OXCT1: variants seen among roughly 807,000 people sequenced by gnomAD.
OXCT1 encodes succinyl-CoA:3-ketoacid coenzyme A transferase 1, mitochondrial.
OXCT1 carries 27 observed loss-of-function variants against 69.6 expected under a neutral mutation model. That is an observed-to-expected ratio of 0.39 (90% CI 0.29 to 0.54). OXCT1 has a LOEUF of 0.54. OXCT1 is among the 20% of genes least tolerant of loss of function. OXCT1 has a pLI of 0.72. For missense variants in OXCT1, 437 were observed against 650.2 expected, an observed-to-expected ratio of 0.67 and a Z score of 3.57; for synonymous variants, 202 against 217.8, an observed-to-expected ratio of 0.93 and a Z score of 0.64.
chr5:41,845,583 A>G (rs1748857931), intron 5 of OXCT1, among the ~76,000 whole-genome samples: 1 of 152,142 alleles, frequency 6.6e-6, no homozygotes, highest in Non-Finnish European at 1.5e-5. Context: ...AAAAAGTACT[A>G]AGAATTAAGA....
At chr5:41,814,130 GAA>G (rs143536269) in intron 7 of OXCT1, among the ~76,000 whole-genome samples, 1 of 147,226 alleles carries the variant, frequency 6.8e-6, no homozygotes, top group African/African-American at 2.5e-5. Flanking sequence ...TCATCTTTGG[GAA>G]AAAAAAAACA....
At chr5:41,768,676 C>T (rs1217758906) in intron 13 of OXCT1, among the ~76,000 whole-genome samples, 1 of 152,168 alleles carries the variant, frequency 6.6e-6, no homozygotes, top group East Asian at 1.9e-4. Flanking sequence ...TTGACCTTTT[C>T]TCATCCTAGC....
chr5:41,734,180 C>T (rs1352423671), intron 16 of OXCT1, among the ~76,000 whole-genome samples: 1 of 152,126 alleles, frequency 6.6e-6, no homozygotes, highest in Non-Finnish European at 1.5e-5. Context: ...GGAGCAAGAA[C>T]CATAAATTGG....
At chr5:41,840,815 T>C (rs559150188) in intron 6 of OXCT1, among the ~76,000 whole-genome samples, 11 of 152,236 alleles carry the variant, frequency 7.2e-5, no homozygotes, top group Non-Finnish European at 1.5e-4. Flanking sequence ...TCTATCTTAT[T>C]TGAAGTTAAT....
chr5:41,863,816 C>T (rs939439073), intron 1 of OXCT1, among the ~76,000 whole-genome samples: 2 of 152,152 alleles, frequency 1.3e-5, no homozygotes, highest in Non-Finnish European at 2.9e-5. Context: ...TATTCCAACA[C>T]AGTTAAGTAT....
intron 3 of OXCT1, among the ~76,000 whole-genome samples, chr5:41,860,898 A>C (rs1749698145): frequency 6.6e-6 from 1 of 152,116 alleles, no homozygotes; most frequent in Non-Finnish European, 1.5e-5. Flanking sequence ...CATTGCTAAA[A>C]GAAAGGGCTT....
At position 41,870,415 on chromosome 5, in the gene OXCT1, T is replaced by C. The variant is rs1750245214; in HGVS notation, c.-57A>G. ...GTTGGAGCGCGCGTTTGAGCGTCGG[T>C]GCGCGACTGCGAAGGAAACCCGGGC... On this transcript the variant is annotated 5_prime_UTR_variant, in exon 1 of 17. Coordinates refer to ENST00000196371, the MANE Select transcript of OXCT1 (RefSeq NM_000436.4). This position sits in a 1 kb window ranked among gnomAD's most constrained non-coding sequence, Gnocchi z 4.2. 2 of 1,340,790 alleles carry C rather than the reference T, an allele frequency of 1.5e-6. No individual in the cohort carries two copies. The highest frequency in any genetic ancestry group is 2.1e-6 in the Non-Finnish European group (2 of 943,488). The allele number at this position is 1,340,790 out of a possible 1,614,324, so 83.1% of individuals were successfully genotyped here.
intron 13 of OXCT1, among the ~76,000 whole-genome samples, chr5:41,793,039 T>C (rs1174083514): frequency 6.6e-6 from 1 of 152,188 alleles, no homozygotes; most frequent in Admixed American, 6.5e-5. Flanking sequence ...TCAGGTGGCA[T>C]TAGATCAAAT....
intron 7 of OXCT1, among the ~76,000 whole-genome samples, chr5:41,814,438 C>T (rs1009805773): frequency 2.6e-5 from 4 of 151,908 alleles, no homozygotes; most frequent in Non-Finnish European, 4.4e-5. Context: ...ATGTTTATTG[C>T]GGCTCTATTC....
In OXCT1 at chr5:41,730,731, C is replaced by T. The variant is rs1406369597; in HGVS notation, c.*998G>A. Reference sequence around the variant, plus strand: ...CTGACTCTTCAAATCCTAGACTTGTCCAACATTATTTTCCCTAGTTGGATA... The same window carrying T: ...CTGACTCTTCAAATCCTAGACTTGTTCAACATTATTTTCCCTAGTTGGATA... On this transcript the variant is annotated 3_prime_UTR_variant, in exon 17 of 17. Transcript: ENST00000196371. The T allele has an allele frequency of 6.6e-6, 1 of 152,146 alleles. No individual in the cohort carries two copies. The highest frequency in any genetic ancestry group is 6.5e-5 in the Admixed American group (1 of 15,274). 9.4% of individuals were successfully genotyped at this position (152,146 alleles called of 1,614,324 possible). A position where few individuals can be genotyped will look rare whatever the true frequency, so the allele number is the denominator to read the frequency against.
At chr5:41,815,892 T>G (rs1747218650) in intron 7 of OXCT1, among the ~76,000 whole-genome samples, 1 of 152,120 alleles carries the variant, frequency 6.6e-6, no homozygotes, top group Non-Finnish European at 1.5e-5. Context: ...CAACTAAAAT[T>G]TAAAATGTTA....
chr5:41,826,142 G>C (rs886379551), intron 7 of OXCT1, among the ~76,000 whole-genome samples: 2 of 152,270 alleles, frequency 1.3e-5, no homozygotes, highest in South Asian at 4.1e-4. Flanking sequence ...CACAGTTTTT[G>C]CTTGATGTAA....
chr5:41,862,532 T>C (rs1013037000), intron 2 of OXCT1, 110 bp downstream of exon 2: 4 of 676,896 alleles, frequency 5.9e-6, no homozygotes, highest in Admixed American at 2.2e-5. Flanking sequence ...CAATAAATAA[T>C]GCATAATAAA....
chr5:41,836,931 C>A (rs920691535), intron 7 of OXCT1, among the ~76,000 whole-genome samples: 1 of 152,124 alleles, frequency 6.6e-6, no homozygotes, highest in African/African-American at 2.4e-5. Context: ...AAATAAGTAA[C>A]ATCAAGGACA....
chr5:41,822,251 G>A (rs1747589675), intron 7 of OXCT1, among the ~76,000 whole-genome samples: 4 of 152,208 alleles, frequency 2.6e-5, no homozygotes, highest in Admixed American at 2.6e-4. Flanking sequence ...AGTGACAGGA[G>A]GCAGCCAGTA....
chr5:41,864,976 G>C (rs1217909839), intron 1 of OXCT1, among the ~76,000 whole-genome samples: 1 of 152,144 alleles, frequency 6.6e-6, no homozygotes, highest in Non-Finnish European at 1.5e-5. Flanking sequence ...ATTTCAATAT[G>C]CTGAGAAACA....
At chr5:41,826,963 A>G (rs904845907) in intron 7 of OXCT1, among the ~76,000 whole-genome samples, 2 of 151,970 alleles carry the variant, frequency 1.3e-5, no homozygotes, top group African/African-American at 4.8e-5. Context: ...CCTTTCCTCT[A>G]TCCAAGCTCT....
At chr5:41,854,887 C>G (rs1749359960) in intron 3 of OXCT1, among the ~76,000 whole-genome samples, 1 of 152,112 alleles carries the variant, frequency 6.6e-6, no homozygotes, top group Non-Finnish European at 1.5e-5. Context: ...TACTAATGTT[C>G]AATATATCCA....
intron 13 of OXCT1, among the ~76,000 whole-genome samples, chr5:41,769,148 T>C (rs921384468): frequency 6.6e-6 from 1 of 152,204 alleles, no homozygotes; most frequent in Non-Finnish European, 1.5e-5. Flanking sequence ...CATATTCCCA[T>C]TTTAAAATTT....
Sources: gnomAD v4.1 joint callset for allele counts (sites outside exome capture counted in the v4.1 genomes callset) on GRCh38, gnomAD v4.1.1 for gene constraint, Gnocchi (gnomAD v3.1) non-coding constraint, MANE v1.5 for transcripts, NCBI Gene and HGNC (gene_info 2026-07-23, HGNC 2026-07-21) for gene names.